Variants in CFH observed in about 807,000 individuals in gnomAD.
The protein encoded by CFH is complement factor H.
Under a neutral mutation model 147.3 loss-of-function variants are expected in CFH, and 53 were observed. That is an observed-to-expected ratio of 0.36 (90% CI 0.29 to 0.45). CFH has a LOEUF of 0.45. Among genes scored for constraint, CFH ranks in the 20% least tolerant of loss-of-function variants. The pLI is 1.00. For missense variants in CFH, 1,380 were observed against 1,498.0 expected (o/e 0.92, Z 1.30); for synonymous variants, 536 against 489.4 (o/e 1.10, Z -1.26).
intron 9 of CFH, among the ~76,000 whole-genome samples, chr1:196,697,599 G>C (rs1038795512): frequency 5.3e-5 from 8 of 151,974 alleles, no homozygotes; most frequent in African/African-American, 1.9e-4. Context: ...TCATTGTCTA[G>C]ATCCTCAGGG....
intron 9 of CFH, among the ~76,000 whole-genome samples, chr1:196,696,118 C>T (rs1668257360): frequency 6.6e-6 from 1 of 151,982 alleles, no homozygotes; most frequent in Admixed American, 6.6e-5. Flanking sequence ...CCAACTGGAC[C>T]TAATAGACAT....
rs996693306 is a variant in CFH, at chr1:196,742,140, C to T, written c.3133+89C>T. The T allele has an allele frequency of 2.1e-5, 26 of 1,251,942 alleles. 1 individual carries two copies. In the African/African-American group the frequency reaches 2.7e-4, roughly 13 times the overall value. 77.6% of individuals were successfully genotyped at this position (1,251,942 alleles called of 1,614,324 possible). ...CTGTAATCCCAGCACTTTGGGAGGCCGAGGTGGGCGGATCACTTGAGGTCA... is the reference window on the plus strand; with the variant it reads ...CTGTAATCCCAGCACTTTGGGAGGCTGAGGTGGGCGGATCACTTGAGGTCA... On this transcript the variant is annotated intron_variant, in intron 19 of 21. Transcript: ENST00000367429.
intron 1 of CFH, among the ~76,000 whole-genome samples, chr1:196,667,441 A>G (rs1558151979): frequency 6.6e-6 from 1 of 151,856 alleles, no homozygotes; most frequent in East Asian, 1.9e-4. Context: ...ATATGAAATG[A>G]CTCTCTTTTT....
intron 9 of CFH, among the ~76,000 whole-genome samples, chr1:196,699,628 T>C (rs1668392381): frequency 6.6e-6 from 1 of 152,220 alleles, no homozygotes; most frequent in East Asian, 1.9e-4. Flanking sequence ...TTCTAGAAGT[T>C]AACATTTTAC....
chr1:196,741,978 A>T lies in CFH; in HGVS notation c.3060A>T (p.Thr1020=). 1 of 1,614,228 alleles carries T rather than the reference A, an allele frequency of 6.2e-7. No individual in the cohort carries two copies. The highest frequency in any genetic ancestry group is 1.1e-5 in the South Asian group (1 of 91,090). The change falls in exon 19 of 22, where the codon ACA becomes ACT. Residue 1020 remains threonine (T), a synonymous_variant. Transcript: ENST00000367429. ...AGCAAGTGACTTACACTTGTGCAAC[A>T]TATTACAAAATGGATGGAGCCAGTA... ...AGEQVTYTCA[T]YYKMDGASNV... is the part of the protein sequence containing the mutation.
chr1:196,718,230 G>T (rs1026541315), intron 11 of CFH, among the ~76,000 whole-genome samples: 14 of 151,988 alleles, frequency 9.2e-5, no homozygotes, highest in African/African-American at 3.1e-4. Context: ...AAACTAAAAA[G>T]AGATAAGCCA....
At chr1:196,699,719 G>C (rs973062081) in intron 9 of CFH, among the ~76,000 whole-genome samples, 1 of 152,112 alleles carries the variant, frequency 6.6e-6, no homozygotes, top group East Asian at 1.9e-4. Flanking sequence ...ATGCGTTACT[G>C]TTCCAGTATC....
At chr1:196,685,678 C>T (rs903108506) in intron 7 of CFH, among the ~76,000 whole-genome samples, 1 of 152,074 alleles carries the variant, frequency 6.6e-6, no homozygotes, top group African/African-American at 2.4e-5. Flanking sequence ...CAATCAGGAT[C>T]ATGGCCCAGG....
chr1:196,652,145 C>T lies in CFH; in HGVS notation c.28C>T (p.Leu10Phe), dbSNP rs1375316866. 1 of 1,612,106 alleles carries T rather than the reference C, an allele frequency of 6.2e-7. No individual in the cohort carries two copies. Among genetic ancestry groups the T allele is most frequent in the Admixed American group, 1.7e-5 (1 of 59,986 alleles). Residue 10 changes from leucine (L) to phenylalanine (F), a missense_variant, in exon 1 of 22, where the codon CTT becomes TTT. Transcript: ENST00000367429. Reference protein sequence around the residue: MRLLAKIICLMLWAICVAED... With the variant: MRLLAKIICFMLWAICVAED... ...GAGACTTCTAGCAAAGATTATTTGCCTTATGTTATGGGCTATTTGTGTAGC... is the reference window on the plus strand; with the variant it reads ...GAGACTTCTAGCAAAGATTATTTGCTTTATGTTATGGGCTATTTGTGTAGC...
Position 196,661,695 on chromosome 1 carries a change from G to C in CFH, c.58+9520G>C, listed in dbSNP as rs1056165664. Among the ~76,000 whole-genome samples the C allele has an allele frequency of 2.6e-5, 4 of 152,160 alleles. No individual in the cohort carries two copies. In the South Asian group the frequency reaches 8.3e-4, roughly 32 times the overall value. Reference sequence around the variant, plus strand: ...TTAGGTTTAAACATATAAATTGGGGGTTGTGGGGAGGTTGCATGTATTCAG... The same window carrying C: ...TTAGGTTTAAACATATAAATTGGGGCTTGTGGGGAGGTTGCATGTATTCAG... On this transcript the variant is annotated intron_variant, in intron 1 of 21. Transcript: ENST00000367429.
At chr1:196,736,057 C>T (rs1669395133) in intron 15 of CFH, among the ~76,000 whole-genome samples, 1 of 151,980 alleles carries the variant, frequency 6.6e-6, no homozygotes, top group Non-Finnish European at 1.5e-5. Flanking sequence ...TCAAACAGGA[C>T]ATGCTTCATT....
At chr1:196,732,727 T>C (rs1669308357) in intron 15 of CFH, among the ~76,000 whole-genome samples, 1 of 152,088 alleles carries the variant, frequency 6.6e-6, no homozygotes, top group Non-Finnish European at 1.5e-5. Context: ...ATGTGCCACA[T>C]CTTTTCAGGA....
At position 196,742,649 on chromosome 1, in the gene CFH, C is replaced by T. The variant is rs1019489543; in HGVS notation, c.3133+598C>T. 3.3e-5 allele frequency among the ~76,000 whole-genome samples: 5 copies of T among 152,028 alleles called. 1 individual carries two copies. Among genetic ancestry groups the T allele is most frequent in the African/African-American group, 7.3e-5 (3 of 41,378 alleles). On this transcript the variant is annotated intron_variant, in intron 19 of 21. Transcript: ENST00000367429. Reference sequence around the variant, plus strand: ...ATTGTTTGAAATGAAAATAAAATTCCGTAAGCTCATTCTAGACATCCAGAA... The same window carrying T: ...ATTGTTTGAAATGAAAATAAAATTCTGTAAGCTCATTCTAGACATCCAGAA...
At chr1:196,660,002 A>G (rs1466893069) in intron 1 of CFH, among the ~76,000 whole-genome samples, 1 of 152,220 alleles carries the variant, frequency 6.6e-6, no homozygotes, top group Non-Finnish European at 1.5e-5. Context: ...AAATAGTTAT[A>G]GCATTGTGAA....
At chr1:196,723,532 A>G (rs1669053355) in intron 11 of CFH, among the ~76,000 whole-genome samples, 1 of 152,120 alleles carries the variant, frequency 6.6e-6, no homozygotes. Flanking sequence ...CATTCAGGAC[A>G]GTAGGTGGCA....
At chr1:196,720,848 A>G (rs1270367616) in intron 11 of CFH, among the ~76,000 whole-genome samples, 1 of 151,908 alleles carries the variant, frequency 6.6e-6, no homozygotes, top group African/African-American at 2.4e-5. Context: ...GTGAAATGGT[A>G]GTTCTGTTTT....
At chr1:196,728,618 T>C (rs566952664) in intron 15 of CFH, 96 bp downstream of exon 15, 30 of 1,160,602 alleles carry the variant, frequency 2.6e-5, no homozygotes, top group Admixed American at 2.4e-4. Context: ...TATTTATTAT[T>C]ACAAATGCTA....
At position 196,715,636 on chromosome 1, in the gene CFH, T is replaced by C. The variant is rs754634679; in HGVS notation, c.1563T>C (p.Asn521=). The C allele has an allele frequency of 1.9e-6, 3 of 1,612,814 alleles. No individual in the cohort carries two copies. The highest frequency in any genetic ancestry group is 3.3e-5 in the Admixed American group (2 of 59,862). The change falls in exon 11 of 22, where the codon AAT becomes AAC. Residue 521 remains asparagine, a synonymous_variant. Transcript: ENST00000367429. ...TATTTATGAATGCCAGAACTAAAAATGACTTCACATGGTTTAAGCTGAATG... is the reference window on the plus strand; with the variant it reads ...TATTTATGAATGCCAGAACTAAAAACGACTTCACATGGTTTAAGCTGAATG... ...IPVFMNARTK[N]DFTWFKLNDT...
At chr1:196,695,670 C>T (rs569951777) in intron 9 of CFH, among the ~76,000 whole-genome samples, 54 of 152,168 alleles carry the variant, frequency 3.5e-4, no homozygotes, top group African/African-American at 1.2e-3. Context: ...TTTTGGCCCT[C>T]TCTTATTTCC....
Sources: allele counts gnomAD v4.1 joint callset (sites outside exome capture counted in the v4.1 genomes callset), GRCh38; gene constraint gnomAD v4.1.1; transcripts MANE v1.5; gene names NCBI Gene and HGNC (gene_info 2026-07-23, HGNC 2026-07-21).